Variants in MTHFSD observed in about 807,000 individuals in gnomAD.
MTHFSD encodes the protein methenyltetrahydrofolate synthase domain-containing protein.
A neutral mutation model predicts 31.1 loss-of-function variants in MTHFSD; 37 were observed. The ratio of observed to expected loss-of-function variants is 1.19; its 90% CI spans 0.91 to 1.56. The LOEUF (loss-of-function observed/expected upper bound fraction) is 1.56, where lower values mean the gene tolerates loss of function less well. MTHFSD is among the 40% of genes most tolerant of loss of function. MTHFSD has a pLI of 0.00. For missense variants in MTHFSD, 664 were observed against 510.1 expected, an observed-to-expected ratio of 1.30 and a Z score of -2.91; for synonymous variants, 221 against 206.9, an observed-to-expected ratio of 1.07 and a Z score of -0.59.
Position 86,532,357 on chromosome 16 carries a change from T to C in MTHFSD, c.806A>G (p.Gln269Arg). Reference protein sequence around the residue: ...HQHLPEPGCQQTVPLSVGRRP... With the variant: ...HQHLPEPGCQRTVPLSVGRRP... ...CCTGCCAACACTCAGGGGCACTGTCTGCTGGCAGCCTGGTTCCGGAAGGTG... is the reference window on the plus strand; with the variant it reads ...CCTGCCAACACTCAGGGGCACTGTCCGCTGGCAGCCTGGTTCCGGAAGGTG... The change falls in exon 8 of 8, where the codon CAG (glutamine) becomes CGG (arginine). Residue 269 changes from glutamine to arginine, a missense_variant. Transcript: ENST00000360900. The C allele has an allele frequency of 1.9e-6, 3 of 1,588,108 alleles. No homozygotes were observed. Among genetic ancestry groups the C allele is most frequent in the Middle Eastern group, 1.7e-4 (1 of 5,992 alleles).
In MTHFSD at chr16:86,555,205, A is replaced by T; in HGVS notation, c.-21T>A. ...TCCATGGTGATGCAGTCGCTGTGCG[A>T]CGCTTCCCGGCGCAGGTTCTGGCGC... On this transcript the variant is annotated 5_prime_UTR_variant, in exon 1 of 8. Transcript: ENST00000360900. 6.5e-7 allele frequency: 1 copy of T among 1,536,412 alleles called. No individual in the cohort carries two copies. Among genetic ancestry groups the T allele is most frequent in the South Asian group, 1.2e-5 (1 of 84,028 alleles).
chr16:86,547,170 A>G (rs1168663701), intron 4 of MTHFSD: 1 of 986,826 alleles, frequency 1.0e-6, no homozygotes, highest in Non-Finnish European at 1.2e-6. Flanking sequence ...TTTATTCAAT[A>G]TAAAATCCTG....
chr16:86,541,367 G>A (rs1971485554), intron 7 of MTHFSD, among the ~76,000 whole-genome samples: 1 of 152,096 alleles, frequency 6.6e-6, no homozygotes, highest in Non-Finnish European at 1.5e-5. Context: ...CTGCGCCTGG[G>A]ATGGCAGAAA....
chr16:86,531,176 A>G lies in MTHFSD; in HGVS notation c.*835T>C, dbSNP rs1190152407. 1 of 152,260 alleles carries G rather than the reference A, an allele frequency of 6.6e-6. No individual in the cohort carries two copies. Among genetic ancestry groups the G allele is most frequent in the Non-Finnish European group, 1.5e-5 (1 of 68,040 alleles). 9.4% of individuals were successfully genotyped at this position (152,260 alleles called of 1,614,324 possible). On this transcript the variant is annotated 3_prime_UTR_variant, in exon 8 of 8. Coordinates refer to ENST00000360900, the MANE Select transcript of MTHFSD (RefSeq NM_001159377.2). The surrounding 1 kb of genome is among the most constrained non-coding windows in gnomAD (Gnocchi z 5.5). ...TATTTTGACTTGTTGCCCGGGATCA[A>G]TTGCAAAAGCGCTTCTGTTGAGAAA...
At chr16:86,540,844 A>C (rs757966990) in intron 7 of MTHFSD, 25 of 1,045,554 alleles carry the variant, frequency 2.4e-5, no homozygotes, top group Non-Finnish European at 2.8e-5. Context: ...ATCAGCGGCC[A>C]ACCGAGGAGT....
At chr16:86,532,661 A>G (rs770478882) in intron 7 of MTHFSD, 180 bp from the exon 8 acceptor site, 13 of 425,804 alleles carry the variant, frequency 3.1e-5, no homozygotes, top group Non-Finnish European at 5.3e-5. Context: ...AGACGATGTC[A>G]CCAGTCTGTA....
intron 7 of MTHFSD, among the ~76,000 whole-genome samples, chr16:86,536,002 T>G (rs1292795401): frequency 1.3e-5 from 2 of 152,172 alleles, no homozygotes; most frequent in Admixed American, 1.3e-4. Context: ...ATGTGGGCAC[T>G]CACCACCACA....
chr16:86,541,168 G>C, intron 7 of MTHFSD: 6 of 1,289,344 alleles, frequency 4.7e-6, no homozygotes, highest in Non-Finnish European at 6.1e-6. Context: ...TCCTACTGCA[G>C]ACTAATTTGC....
At position 86,542,203 on chromosome 16, in the gene MTHFSD, G is replaced by T. The variant is rs759927014; in HGVS notation, c.453C>A (p.Ile151=). Residue 151 remains isoleucine, a synonymous_variant, in exon 6 of 8, where the codon ATC becomes ATA. Coordinates refer to ENST00000360900, the MANE Select transcript of MTHFSD (RefSeq NM_001159377.2). This position sits in a 1 kb window ranked among gnomAD's most constrained non-coding sequence, Gnocchi z 4.6. ...SVAVSEKGWR[I]GKGEGYADLE... is the part of the protein sequence containing the mutation. ...GATCGGCGTAGCCTTCTCCCTTCCC[G>T]ATTCTCCAGCCTAAGAGACAACCGA... 3 of 1,613,208 alleles carry T rather than the reference G, an allele frequency of 1.9e-6. No individual in the cohort carries two copies. Among genetic ancestry groups the T allele is most frequent in the Non-Finnish European group, 2.5e-6 (3 of 1,179,844 alleles).
intron 2 of MTHFSD, chr16:86,552,439 G>C (rs548988565): frequency 1.5e-5 from 10 of 650,512 alleles, no homozygotes; most frequent in African/African-American, 1.8e-5. Flanking sequence ...AGTAAGGAAA[G>C]GGATTTGAGA....
At position 86,530,542 on chromosome 16, in the gene MTHFSD, AG is replaced by A. The variant is rs1362969201; in HGVS notation, c.*1468del. 1.3e-5 allele frequency: 2 copies of A among 152,196 alleles called. No homozygotes were observed. The highest frequency in any genetic ancestry group is 4.8e-5 in the African/African-American group (2 of 41,508). 9.4% of individuals were successfully genotyped at this position (152,196 alleles called of 1,614,324 possible). ...CTGCCGGTGGGGCAGGGAGTGGAGA[AG>A]GGGGGCTGACTCACTTGCTCTTCTC... is the stretch of plus-strand genomic sequence containing the variant. On this transcript the variant is annotated 3_prime_UTR_variant, in exon 8 of 8. Coordinates refer to ENST00000360900, the MANE Select transcript of MTHFSD (RefSeq NM_001159377.2).
chr16:86,554,811 C>A, intron 1 of MTHFSD, 60 bp from the exon 2 acceptor site: 1 of 1,452,800 alleles, frequency 6.9e-7, no homozygotes, highest in Non-Finnish European at 9.6e-7. Flanking sequence ...CATGCTGAAA[C>A]CGCTTAACAG....
intron 5 of MTHFSD, among the ~76,000 whole-genome samples, 188 bp downstream of exon 5, chr16:86,546,371 G>A (rs1194544603): frequency 6.6e-6 from 1 of 152,172 alleles, no homozygotes; most frequent in African/African-American, 2.4e-5. Context: ...TACACATGTT[G>A]GGCTGGGGCC....
intron 1 of MTHFSD, 128 bp from the exon 2 acceptor site, chr16:86,554,879 C>CA: frequency 1.9e-6 from 2 of 1,056,800 alleles, no homozygotes; most frequent in Non-Finnish European, 2.7e-6. Context: ...TCCTGAGCCT[C>CA]AGTTTCCCCG....
chr16:86,537,198 G>A (rs573898460), intron 7 of MTHFSD, among the ~76,000 whole-genome samples: 106 of 152,284 alleles, frequency 7.0e-4, no homozygotes, highest in African/African-American at 2.6e-3. Flanking sequence ...AGGTAGAAAC[G>A]TTTGAAATCC....
rs147826975 is a variant in MTHFSD at position 86,534,384 on chromosome 16, C to T, written c.682-1903G>A. ...CGGAAGGATATATTTGTCTTTCCCA[C>T]GGCATGTTTCAAAACAGATTTCTGC... On this transcript the variant is annotated intron_variant, in intron 7 of 7. Coordinates refer to ENST00000360900, the MANE Select transcript of MTHFSD (RefSeq NM_001159377.2). Among the ~76,000 whole-genome samples, 63 of 152,292 alleles carry T rather than the reference C, an allele frequency of 4.1e-4. No homozygotes were observed. In the East Asian group the frequency reaches 0.011, roughly 27 times the overall value.
Position 86,531,685 on chromosome 16 carries a change from C to G in MTHFSD, c.*326G>C, listed in dbSNP as rs534841761. On this transcript the variant is annotated 3_prime_UTR_variant, in exon 8 of 8. Coordinates refer to ENST00000360900, the MANE Select transcript of MTHFSD (RefSeq NM_001159377.2). The surrounding 1 kb of genome is among the most constrained non-coding windows in gnomAD (Gnocchi z 5.5). The stretch of plus-strand genomic sequence containing the variant: ...AAACTCGAGATCACCTTCACATCAC[C>G]CTCCCCTGCTTAGCCACTCACTCAG... The G allele has an allele frequency of 6.7e-5, 15 of 224,594 alleles. No homozygotes were observed. The Admixed American group carries it at 8.1e-4, about 12-fold the overall frequency. 13.9% of individuals were successfully genotyped at this position (224,594 alleles called of 1,614,324 possible).
chr16:86,546,122 C>T (rs552684027), intron 5 of MTHFSD, among the ~76,000 whole-genome samples: 1 of 151,780 alleles, frequency 6.6e-6, no homozygotes, highest in South Asian at 2.1e-4. Flanking sequence ...GGACACACCA[C>T]GTTGTTCAGG....
chr16:86,531,865 G>T lies in MTHFSD; in HGVS notation c.*146C>A. The stretch of plus-strand genomic sequence containing the variant: ...AGGGCCTGGGCGTTCACTGAGCGGT[G>T]ACTTCTGAGAAGAATTGAGACCCGA... On this transcript the variant is annotated 3_prime_UTR_variant, in exon 8 of 8. Transcript: ENST00000360900. This position sits in a 1 kb window ranked among gnomAD's most constrained non-coding sequence, Gnocchi z 5.5. 1 of 496,006 alleles carries T rather than the reference G, an allele frequency of 2.0e-6. No individual in the cohort carries two copies. Among genetic ancestry groups the T allele is most frequent in the Non-Finnish European group, 3.4e-6 (1 of 296,248 alleles). 30.7% of individuals were successfully genotyped at this position (496,006 alleles called of 1,614,324 possible). A position where few individuals can be genotyped will look rare whatever the true frequency, so the allele number is the denominator to read the frequency against.
Sources: allele counts gnomAD v4.1 joint callset (sites outside exome capture counted in the v4.1 genomes callset), GRCh38; gene constraint gnomAD v4.1.1; non-coding constraint Gnocchi (gnomAD v3.1); transcripts MANE v1.5; gene names NCBI Gene and HGNC (gene_info 2026-07-23, HGNC 2026-07-21).